MYO16: variants seen among roughly 807,000 people sequenced by gnomAD.
The protein encoded by MYO16 is unconventional myosin-XVI.
Under a neutral mutation model 205.3 loss-of-function variants are expected in MYO16, and 94 were observed. That is an observed-to-expected ratio of 0.46 (90% CI 0.39 to 0.54). The LOEUF is 0.54. Among genes scored for constraint, MYO16 ranks in the 20% least tolerant of loss-of-function variants. The pLI is 0.00. For synonymous variants in MYO16, 988 were observed against 954.0 expected (o/e 1.04, Z -0.66); for missense variants, 2,315 against 2,387.5 (o/e 0.97, Z 0.63).
chr13:108,634,846 T>C (rs1880153322), intron 1 of MYO16, among the ~76,000 whole-genome samples: 1 of 152,168 alleles, frequency 6.6e-6, no homozygotes, highest in African/African-American at 2.4e-5. Flanking sequence ...GACAACCTCA[T>C]CCATTCTCAT....
intron 1 of MYO16, among the ~76,000 whole-genome samples, chr13:108,634,568 C>T (rs1594161650): frequency 6.6e-6 from 1 of 152,142 alleles, no homozygotes; most frequent in Admixed American, 6.5e-5. Context: ...TGCCCGTGGC[C>T]TTCGACCCTC....
the MYO16 span, among the ~76,000 whole-genome samples, chr13:108,497,452 G>A: frequency 2.6e-5 from 4 of 152,254 alleles, no homozygotes; most frequent in East Asian, 7.7e-4. Flanking sequence ...ACATTTGATG[G>A]ATGTTTTGAA....
chr13:109,186,609 A>AACACACAC (rs112011251), intron 34 of MYO16, among the ~76,000 whole-genome samples: 7 of 149,484 alleles, frequency 4.7e-5, no homozygotes, highest in African/African-American at 1.5e-4. Context: ...TAAGCTTTTC[A>AACACACAC]ACACACACAC....
chr13:108,639,863 C>T (rs17386959), intron 1 of MYO16, among the ~76,000 whole-genome samples: 5,372 of 152,242 alleles, frequency 0.035, 143 homozygotes, highest in South Asian at 0.13. Context: ...GGCCTTGGGA[C>T]GACTTCGGCA....
intron 33 of MYO16, 97 bp downstream of exon 33, chr13:109,165,156 G>T (rs911176359): frequency 2.2e-6 from 2 of 889,564 alleles, no homozygotes; most frequent in East Asian, 2.7e-5. Flanking sequence ...ATGAAGTAGG[G>T]TTAAGAACTG....
intron 2 of MYO16, among the ~76,000 whole-genome samples, chr13:108,694,389 A>C (rs1594214921): frequency 1.3e-5 from 2 of 152,284 alleles, no homozygotes; most frequent in African/African-American, 4.8e-5. Context: ...ACCATTTTAC[A>C]TTCTCTCCTG....
chr13:108,741,545 G>A (rs185151993), intron 4 of MYO16, among the ~76,000 whole-genome samples: 2 of 152,204 alleles, frequency 1.3e-5, no homozygotes, highest in Non-Finnish European at 2.9e-5. Context: ...CTCAAAAAAG[G>A]TGTATTATTT....
intron 12 of MYO16, among the ~76,000 whole-genome samples, chr13:108,868,968 A>G (rs976367455): frequency 6.6e-6 from 1 of 151,942 alleles, no homozygotes; most frequent in Non-Finnish European, 1.5e-5. Flanking sequence ...GCACTTTTGC[A>G]TAAAACTAGT....
At chr13:108,524,344 AGT>A in the MYO16 span, among the ~76,000 whole-genome samples, 70 of 151,684 alleles carry the variant, frequency 4.6e-4, no homozygotes, top group African/African-American at 1.3e-3. Context: ...TAAAAAATAA[AGT>A]GTGTGGCACT....
chr13:108,520,269 A>C, the MYO16 span, among the ~76,000 whole-genome samples: 14 of 152,262 alleles, frequency 9.2e-5, no homozygotes, highest in Non-Finnish European at 1.3e-4. Flanking sequence ...TGCATGTGAA[A>C]TTATTTACAA....
At position 108,712,541 on chromosome 13, in the gene MYO16, C is replaced by T. The variant is rs1279186268; in HGVS notation, c.293-120C>T. 3 of 824,452 alleles carry T rather than the reference C, an allele frequency of 3.6e-6. No individual in the cohort carries two copies. The East Asian group carries it at 7.6e-5, about 21-fold the overall frequency. The allele number at this position is 824,452 out of a possible 1,614,324, so 51.1% of individuals were successfully genotyped here. On this transcript the variant is annotated intron_variant, in intron 2 of 34. Transcript: ENST00000457511. ...TAAATAGGGTCAGATGGCACAGAAG[C>T]CGTAGTCTTTGGTTTTCACAGCTGT...
the MYO16 span, among the ~76,000 whole-genome samples, chr13:108,556,809 G>T: frequency 7.3e-5 from 11 of 151,458 alleles, no homozygotes; most frequent in African/African-American, 2.7e-4. Context: ...TTTTCTTTTT[G>T]TATGTGTTGT....
At chr13:109,049,177 A>G (rs973085584) in intron 24 of MYO16, among the ~76,000 whole-genome samples, 2 of 151,102 alleles carry the variant, frequency 1.3e-5, no homozygotes, top group East Asian at 3.9e-4. Flanking sequence ...CAATGATTGT[A>G]GATCCCAGTG....
intron 34 of MYO16, among the ~76,000 whole-genome samples, chr13:109,186,691 T>C (rs1204346849): frequency 6.6e-6 from 1 of 152,166 alleles, no homozygotes; most frequent in African/African-American, 2.4e-5. Flanking sequence ...TGGAAACTTT[T>C]CTGAGAAACA....
At chr13:109,152,892 C>T (rs1270390429) in intron 32 of MYO16, among the ~76,000 whole-genome samples, 3 of 152,048 alleles carry the variant, frequency 2.0e-5, no homozygotes, top group African/African-American at 7.2e-5. Context: ...ATACGAAGGG[C>T]ACACTTCATT....
intron 2 of MYO16, among the ~76,000 whole-genome samples, chr13:108,685,280 C>A (rs971080918): frequency 6.6e-6 from 1 of 152,094 alleles, no homozygotes. Flanking sequence ...CTCGGCCTCC[C>A]AAAGTGCTGG....
rs1491309887 is a variant in MYO16, at chr13:108,677,336, T to TGTATATATATATATATGC, written c.292+11187_292+11188insGTATATATATATATATGC. Among the ~76,000 whole-genome samples the TGTATATATATATATATGC allele has an allele frequency of 3.6e-3, 308 of 86,630 alleles. 1 individual carries two copies. The highest frequency in any genetic ancestry group is 0.016 in the African/African-American group (288 of 18,304). 56.8% of individuals were successfully genotyped at this position (86,630 alleles called of 152,430 possible). A position where few individuals can be genotyped will look rare whatever the true frequency, so the allele number is the denominator to read the frequency against. ...GCATGTGTGTGTGTGTGTGTGTGTG[T>TGTATATATATATATATGC]ATATATATATATATATATGCATATA... On this transcript the variant is annotated intron_variant, in intron 2 of 34. Transcript: ENST00000457511.
At chr13:108,937,117 C>T (rs966570703) in intron 16 of MYO16, among the ~76,000 whole-genome samples, 6 of 152,118 alleles carry the variant, frequency 3.9e-5, no homozygotes, top group African/African-American at 4.8e-5. Flanking sequence ...CTTAATTGAG[C>T]AGGATACGAA....
intron 11 of MYO16, among the ~76,000 whole-genome samples, chr13:108,863,068 A>G (rs966416143): frequency 6.6e-6 from 1 of 152,172 alleles, no homozygotes; most frequent in East Asian, 1.9e-4. Flanking sequence ...TTTTTTATCC[A>G]TCAAACTTGC....
Sources: gnomAD v4.1 joint callset for allele counts (sites outside exome capture counted in the v4.1 genomes callset) on GRCh38, gnomAD v4.1.1 for gene constraint, MANE v1.5 for transcripts, NCBI Gene and HGNC (gene_info 2026-07-23, HGNC 2026-07-21) for gene names.